FHIP1A: variants seen among roughly 807,000 people sequenced by gnomAD.
FHIP1A encodes FHF complex subunit HOOK-interacting protein 1A.
In FHIP1A, 61 loss-of-function variants were observed where a neutral mutation model predicts 88.6. The ratio of observed to expected loss-of-function variants is 0.69; its 90% CI spans 0.56 to 0.85. FHIP1A has a LOEUF of 0.85. Ranked by LOEUF, FHIP1A falls within the 40% of genes least tolerant of loss-of-function variation. FHIP1A has a pLI of 0.00. For missense variants in FHIP1A, 1,154 were observed against 1,273.5 expected, an observed-to-expected ratio of 0.91 and a Z score of 1.43; for synonymous variants, 478 against 496.0, an observed-to-expected ratio of 0.96 and a Z score of 0.48.
At chr4:151,505,286 A>T (rs1414880882) in intron 3 of FHIP1A, among the ~76,000 whole-genome samples, 1 of 152,194 alleles carries the variant, frequency 6.6e-6, no homozygotes, top group East Asian at 1.9e-4. Flanking sequence ...TACTTTCGTG[A>T]TGATGAATAG....
At chr4:151,618,359 A>T (rs765570232) in intron 7 of FHIP1A, among the ~76,000 whole-genome samples, 19 of 152,228 alleles carry the variant, frequency 1.2e-4, no homozygotes, top group Non-Finnish European at 2.4e-4. Context: ...CTAGTTCATC[A>T]TCATTTTACA....
intron 1 of FHIP1A, among the ~76,000 whole-genome samples, chr4:151,420,160 C>T (rs1456184465): frequency 4.0e-5 from 1 of 24,960 alleles, no homozygotes; most frequent in South Asian, 1.1e-3. Flanking sequence ...CCTGAGGAAT[C>T]GCCACACTGA....
At chr4:151,610,386 A>C (rs1380153926) in intron 7 of FHIP1A, among the ~76,000 whole-genome samples, 2 of 152,338 alleles carry the variant, frequency 1.3e-5, no homozygotes, top group East Asian at 3.9e-4. Flanking sequence ...ATCTAAGAAG[A>C]GGCTCTGTGT....
At chr4:151,612,193 G>T (rs1333119412) in intron 7 of FHIP1A, among the ~76,000 whole-genome samples, 5 of 152,142 alleles carry the variant, frequency 3.3e-5, no homozygotes. Context: ...CACCTTGGAA[G>T]TAAATCTTAG....
At chr4:151,495,201 T>C (rs865953773) in intron 3 of FHIP1A, among the ~76,000 whole-genome samples, 33 of 152,096 alleles carry the variant, frequency 2.2e-4, no homozygotes, top group African/African-American at 6.0e-4. Flanking sequence ...TTAGAAAGTA[T>C]AGAAAAAAGA....
At chr4:151,530,946 T>TC (rs35905167) in intron 3 of FHIP1A, among the ~76,000 whole-genome samples, 101,548 of 151,808 alleles carry the variant, frequency 0.67, 35,817 homozygotes, top group African/African-American at 0.92. Flanking sequence ...CATTTCTTTC[T>TC]AGGGCTGTCA....
At chr4:151,638,227 A>G (rs1354570451) in intron 8 of FHIP1A, among the ~76,000 whole-genome samples, 3 of 152,132 alleles carry the variant, frequency 2.0e-5, no homozygotes, top group Admixed American at 6.6e-5. Flanking sequence ...TGGCTAGGTT[A>G]TATGCAATTT....
chr4:151,452,955 T>TATATATATATATATATATATATAC (rs1554078808), intron 1 of FHIP1A, among the ~76,000 whole-genome samples: 1 of 147,804 alleles, frequency 6.8e-6, no homozygotes, highest in African/African-American at 2.5e-5. Context: ...TATATATACA[T>TATATATATATATATATATATATAC]ACACACACAC....
At chr4:151,494,164 A>G (rs1221857421) in intron 3 of FHIP1A, among the ~76,000 whole-genome samples, 2 of 152,108 alleles carry the variant, frequency 1.3e-5, no homozygotes, top group Non-Finnish European at 2.9e-5. Context: ...TCCATTCTGT[A>G]GTTTGTCTGT....
At chr4:151,460,717 A>C (rs1225426789) in intron 2 of FHIP1A, among the ~76,000 whole-genome samples, 1 of 152,224 alleles carries the variant, frequency 6.6e-6, no homozygotes, top group Admixed American at 6.5e-5. Flanking sequence ...TTGCCTGCTT[A>C]AAATTTTTCA....
intron 8 of FHIP1A, among the ~76,000 whole-genome samples, chr4:151,635,512 T>TTA (rs774546539): frequency 1.3e-5 from 2 of 151,852 alleles, no homozygotes; most frequent in South Asian, 4.2e-4. Flanking sequence ...AGAGAGTATG[T>TTA]TATATATATA....
chr4:151,590,604 G>T (rs1734389614), intron 7 of FHIP1A, among the ~76,000 whole-genome samples: 1 of 152,106 alleles, frequency 6.6e-6, no homozygotes, highest in African/African-American at 2.4e-5. Flanking sequence ...TATTCACTGG[G>T]ATATCTCCAA....
Position 151,591,149 on chromosome 4 carries a change from AAGG to A in FHIP1A, c.978+2226_978+2228del, listed in dbSNP as rs112359690. Reference sequence around the variant, plus strand: ...GGGTTAGGGACGGAGCAGGCCAGGGAAGGAGAACAGCCTCTCCTCTGGCTCTTG... The same window carrying A: ...GGGTTAGGGACGGAGCAGGCCAGGGAAGAACAGCCTCTCCTCTGGCTCTTG... On this transcript the variant is annotated intron_variant, in intron 7 of 13. Transcript: ENST00000435205. 3.0e-3 allele frequency among the ~76,000 whole-genome samples: 458 copies of A among 151,508 alleles called. 2 individuals are homozygous for A. The highest frequency in any genetic ancestry group is 0.011 in the African/African-American group (444 of 41,240).
intron 3 of FHIP1A, among the ~76,000 whole-genome samples, chr4:151,495,862 A>T (rs550059587): frequency 2.6e-5 from 4 of 151,976 alleles, no homozygotes; most frequent in African/African-American, 7.2e-5. Flanking sequence ...ACCTCAGATG[A>T]TCCTCCCGCA....
At chr4:151,504,217 T>G (rs570298896) in intron 3 of FHIP1A, among the ~76,000 whole-genome samples, 10 of 152,344 alleles carry the variant, frequency 6.6e-5, no homozygotes, top group Admixed American at 1.3e-4. Flanking sequence ...TCACTTATCC[T>G]CAAACATTTA....
chr4:151,615,795 G>A (rs1308622017), intron 7 of FHIP1A, among the ~76,000 whole-genome samples: 2 of 152,196 alleles, frequency 1.3e-5, no homozygotes, highest in Admixed American at 6.5e-5. Flanking sequence ...TGGACAGGGG[G>A]TTAGTAGAGG....
chr4:151,593,972 G>T (rs1185157337), intron 7 of FHIP1A, among the ~76,000 whole-genome samples: 1 of 152,162 alleles, frequency 6.6e-6, no homozygotes, highest in Non-Finnish European at 1.5e-5. Context: ...TAGCGTGAAG[G>T]GGTGTTGAAT....
At position 151,653,567 on chromosome 4, in the gene FHIP1A, A is replaced by G. The variant is rs141673486; in HGVS notation, c.2552-2665A>G. Among the ~76,000 whole-genome samples, 76 of 152,330 alleles carry G rather than the reference A, an allele frequency of 5.0e-4. No homozygotes were observed. In the South Asian group the frequency reaches 7.7e-3, roughly 15 times the overall value. On this transcript the variant is annotated intron_variant, in intron 11 of 13. Transcript: ENST00000435205. Reference sequence around the variant, plus strand: ...TGTTTTGAATCTTGAGTGAGTTGATACATGAAAAGTACTTAGCACATTGCC... The same window carrying G: ...TGTTTTGAATCTTGAGTGAGTTGATGCATGAAAAGTACTTAGCACATTGCC...
intron 1 of FHIP1A, among the ~76,000 whole-genome samples, chr4:151,421,644 GCTAA>G (rs1733169498): frequency 6.6e-6 from 1 of 151,866 alleles, no homozygotes; most frequent in Non-Finnish European, 1.5e-5. Context: ...GTTGGGGTTT[GCTAA>G]CCTGGAACCC....
Sources: gnomAD v4.1 joint callset for allele counts (sites outside exome capture counted in the v4.1 genomes callset) on GRCh38, gnomAD v4.1.1 for gene constraint, MANE v1.5 for transcripts, NCBI Gene and HGNC (gene_info 2026-07-23, HGNC 2026-07-21) for gene names.